Variants in PHC3 observed in about 807,000 individuals in gnomAD.
PHC3 encodes polyhomeotic homolog 3, also known as polyhomeotic-like protein 3.
PHC3 carries 13 observed loss-of-function variants against 107.4 expected under a neutral mutation model. That is an observed-to-expected ratio of 0.12 (90% CI 0.08 to 0.19). The LOEUF is 0.19. Ranked by LOEUF, PHC3 falls within the 10% of genes least tolerant of loss-of-function variation. The pLI is 1.00. For missense variants in PHC3, 992 were observed against 1,210.9 expected (o/e 0.82, Z 2.68); for synonymous variants, 456 against 427.4 (o/e 1.07, Z -0.83).
At position 170,178,383 on chromosome 3, in the gene PHC3, G is replaced by A. The variant is rs565468988; in HGVS notation, c.180+390C>T. On this transcript the variant is annotated intron_variant, in intron 2 of 14. Coordinates refer to ENST00000495893, the MANE Select transcript of PHC3 (RefSeq NM_024947.4). ...CCTGACCTCGTGATCCGCCCGCCTC[G>A]GCCTCCCAAAGTGCTGGGATTACAG... Among the ~76,000 whole-genome samples, 106 of 151,834 alleles carry A rather than the reference G, an allele frequency of 7.0e-4. 1 individual carries two copies. Among genetic ancestry groups the A allele is most frequent in the African/African-American group, 2.4e-3 (100 of 41,418 alleles).
At chr3:170,101,601 A>G (rs1306686655) in intron 14 of PHC3, among the ~76,000 whole-genome samples, 1 of 152,260 alleles carries the variant, frequency 6.6e-6, no homozygotes, top group South Asian at 2.1e-4. Context: ...TAGTCTCCTC[A>G]TTTTCCATAT....
chr3:170,143,303 T>C (rs1724398285), intron 6 of PHC3, among the ~76,000 whole-genome samples: 1 of 151,584 alleles, frequency 6.6e-6, no homozygotes, highest in Admixed American at 6.6e-5. Context: ...AGAGATAAAG[T>C]TCTCATTTTA....
chr3:170,097,394 G>A lies in PHC3; in HGVS notation c.2834-10C>T. 6.2e-7 allele frequency: 1 copy of A among 1,610,924 alleles called. No individual in the cohort carries two copies. The highest frequency in any genetic ancestry group is 8.5e-7 in the Non-Finnish European group (1 of 1,178,056). On this transcript the variant is annotated splice_polypyrimidine_tract_variant and intron_variant, in intron 14 of 14. Transcript: ENST00000495893. This position sits in a 1 kb window ranked among gnomAD's most constrained non-coding sequence, Gnocchi z 4.1. ...GCGATATCCTGGCAGCCTGGAATTTGACCAGAGGACAGAAGTTAGAATTAA... is the reference window on the plus strand; with the variant it reads ...GCGATATCCTGGCAGCCTGGAATTTAACCAGAGGACAGAAGTTAGAATTAA...
In PHC3 at chr3:170,181,571, T is replaced by C. The variant is rs866618213; in HGVS notation, c.14+131A>G. On this transcript the variant is annotated intron_variant, in intron 1 of 14. Coordinates refer to ENST00000495893, the MANE Select transcript of PHC3 (RefSeq NM_024947.4). ...ACGGGCCTAGCCGGCTCCTCCACGA[T>C]AGGACGGGTCTCGAGTCTCTCTTTC... 13 of 1,357,610 alleles carry C rather than the reference T, an allele frequency of 9.6e-6. 1 individual carries two copies. The highest frequency in any genetic ancestry group is 8.3e-5 in the South Asian group (7 of 84,032). 84.1% of individuals were successfully genotyped at this position (1,357,610 alleles called of 1,614,324 possible).
chr3:170,162,149 G>A (rs138457958), intron 4 of PHC3, among the ~76,000 whole-genome samples: 1 of 152,280 alleles, frequency 6.6e-6, no homozygotes, highest in Non-Finnish European at 1.5e-5. Flanking sequence ...TAGAACCCCA[G>A]TCCCTCATCT....
At position 170,094,348 on chromosome 3, in the gene PHC3, A is replaced by T. The variant is rs1429937770; in HGVS notation, c.*2882T>A. 2 of 152,224 alleles carry T rather than the reference A, an allele frequency of 1.3e-5. No individual in the cohort carries two copies. Among genetic ancestry groups the T allele is most frequent in the African/African-American group, 4.8e-5 (2 of 41,460 alleles). 9.4% of individuals were successfully genotyped at this position (152,224 alleles called of 1,614,324 possible). A position where few individuals can be genotyped will look rare whatever the true frequency, so the allele number is the denominator to read the frequency against. ...CACAAGGCTTAAAGCAAAATTTCAA[A>T]CTTATGCTTTTTATCCCAATGGGAC... On this transcript the variant is annotated 3_prime_UTR_variant, in exon 15 of 15. Coordinates refer to ENST00000495893, the MANE Select transcript of PHC3 (RefSeq NM_024947.4).
intron 7 of PHC3, among the ~76,000 whole-genome samples, chr3:170,131,042 T>C (rs77268386): frequency 1.6e-4 from 25 of 152,120 alleles, no homozygotes; most frequent in Non-Finnish European, 2.8e-4. Flanking sequence ...ATTTTCACAT[T>C]TGGTTATTAT....
chr3:170,110,751 ATATAC>A (rs1256321999), intron 11 of PHC3, among the ~76,000 whole-genome samples: 1 of 152,236 alleles, frequency 6.6e-6, no homozygotes, highest in African/African-American at 2.4e-5. Context: ...ATAGTCTAAC[ATATAC>A]TATATGTCCA....
intron 4 of PHC3, among the ~76,000 whole-genome samples, chr3:170,158,036 GAAAC>G (rs1445438293): frequency 2.0e-5 from 3 of 151,720 alleles, no homozygotes; most frequent in South Asian, 2.1e-4. Context: ...AGACAATAAA[GAAAC>G]AAACCATTTG....
intron 2 of PHC3, chr3:170,176,759 A>C: frequency 3.7e-6 from 1 of 273,948 alleles, no homozygotes; most frequent in Non-Finnish European, 7.5e-6. Context: ...AGCTATTACT[A>C]TCTACTGGAA....
rs117453460 is a variant in PHC3, at chr3:170,092,753, T to C, written c.*4477A>G. 1.3e-5 allele frequency: 2 copies of C among 152,200 alleles called. No individual in the cohort carries two copies. The highest frequency in any genetic ancestry group is 2.9e-5 in the Non-Finnish European group (2 of 68,026). 9.4% of individuals were successfully genotyped at this position (152,200 alleles called of 1,614,324 possible). A position where few individuals can be genotyped will look rare whatever the true frequency, so the allele number is the denominator to read the frequency against. On this transcript the variant is annotated 3_prime_UTR_variant, in exon 15 of 15. Transcript: ENST00000495893. ...TTTGACAAATATTCTCCAACTGTAA[T>C]AAAAGGTTCTCACCTTTTTCAGAAA...
chr3:170,162,490 G>T (rs1267389439), intron 4 of PHC3, among the ~76,000 whole-genome samples: 1 of 151,950 alleles, frequency 6.6e-6, no homozygotes, highest in African/African-American at 2.4e-5. Context: ...CGCATATCTT[G>T]TGTTAGCTCT....
chr3:170,159,274 A>AAAT (rs1560112237), intron 4 of PHC3, among the ~76,000 whole-genome samples: 1 of 149,668 alleles, frequency 6.7e-6, no homozygotes, highest in African/African-American at 2.5e-5. Flanking sequence ...AAAAAAAAAA[A>AAAT]TCTGATAAAT....
intron 4 of PHC3, among the ~76,000 whole-genome samples, chr3:170,163,149 C>T (rs925391321): frequency 1.8e-4 from 28 of 152,126 alleles, no homozygotes; most frequent in African/African-American, 5.5e-4. Context: ...GAATATTAAA[C>T]GCTCGATAAA....
chr3:170,101,367 T>C (rs775388336), intron 14 of PHC3, among the ~76,000 whole-genome samples: 46 of 152,186 alleles, frequency 3.0e-4, no homozygotes, highest in Non-Finnish European at 4.6e-4. Context: ...CAACTATCAT[T>C]CCTAAATATA....
At position 170,171,437 on chromosome 3, in the gene PHC3, C is replaced by G; in HGVS notation, c.350G>C (p.Ser117Thr). The G allele has an allele frequency of 6.3e-7, 1 of 1,599,880 alleles. No individual in the cohort carries two copies. The highest frequency in any genetic ancestry group is 8.5e-7 in the Non-Finnish European group (1 of 1,174,988). ...TGTGGGAGATGTAGATGGTCTTCCA[C>G]TGGACAAACTTGCCTAAAATAGTAA... ...SLAAVQASLS[S>T]GRPSTSPTGS... The change falls in exon 4 of 15, where the codon AGT (serine) becomes ACT (threonine). Residue 117 changes from serine to threonine, a missense_variant. Coordinates refer to ENST00000495893, the MANE Select transcript of PHC3 (RefSeq NM_024947.4).
chr3:170,140,858 A>G (rs547149412), intron 6 of PHC3, among the ~76,000 whole-genome samples: 1 of 152,184 alleles, frequency 6.6e-6, no homozygotes, highest in South Asian at 2.1e-4. Context: ...TTGGCCTCCC[A>G]AAGTGCTGGG....
chr3:170,139,046 G>T (rs1249011284), intron 6 of PHC3, among the ~76,000 whole-genome samples: 1 of 152,114 alleles, frequency 6.6e-6, no homozygotes, highest in African/African-American at 2.4e-5. Flanking sequence ...CTTCCTTCTA[G>T]AACAACTTTC....
intron 3 of PHC3, among the ~76,000 whole-genome samples, 185 bp downstream of exon 3, chr3:170,172,372 C>G (rs572856288): frequency 7.4e-6 from 1 of 135,824 alleles, no homozygotes; most frequent in Admixed American, 7.8e-5. Flanking sequence ...AACAGAGTAA[C>G]ATAAAAAAAC....
Sources: allele counts gnomAD v4.1 joint callset (sites outside exome capture counted in the v4.1 genomes callset), GRCh38; gene constraint gnomAD v4.1.1; non-coding constraint Gnocchi (gnomAD v3.1); transcripts MANE v1.5; gene names NCBI Gene and HGNC (gene_info 2026-07-23, HGNC 2026-07-21).